The following RPS6KA2 variants were observed in gnomAD, a reference collection of about 807,000 sequenced individuals.
The protein encoded by RPS6KA2 is ribosomal protein S6 kinase A2.
In RPS6KA2, 42 loss-of-function variants were observed where a neutral mutation model predicts 91.8. The observed-to-expected ratio is 0.46, with a 90% CI of 0.36 to 0.59. RPS6KA2 has a LOEUF of 0.59. Among genes scored for constraint, RPS6KA2 ranks in the 20% least tolerant of loss-of-function variants. The pLI, the probability that RPS6KA2 is intolerant of heterozygous loss-of-function variation, is 0.00. For synonymous variants in RPS6KA2, 414 were observed against 393.6 expected (o/e 1.05, Z -0.61); for missense variants, 798 against 978.5 (o/e 0.82, Z 2.46).
chr6:166,755,250 A>G (rs754183416), intron 2 of RPS6KA2, among the ~76,000 whole-genome samples: 44 of 152,234 alleles, frequency 2.9e-4, no homozygotes, highest in Admixed American at 7.2e-4. Context: ...GTGGATTCCC[A>G]GTAGGAGTGC....
intron 3 of RPS6KA2, among the ~76,000 whole-genome samples, chr6:166,513,564 C>T (rs544750150): frequency 1.3e-5 from 2 of 152,178 alleles, no homozygotes; most frequent in Non-Finnish European, 2.9e-5. Context: ...AGGAAGGAGA[C>T]CCCTGCCTGC....
At chr6:166,426,830 G>A (rs1027686992) in intron 16 of RPS6KA2, among the ~76,000 whole-genome samples, 1 of 140,388 alleles carries the variant, frequency 7.1e-6, no homozygotes, top group Non-Finnish European at 1.5e-5. Flanking sequence ...AACCAAAAGA[G>A]TCCAGGACCA....
chr6:166,448,583 C>A lies in RPS6KA2; in HGVS notation c.1332+141G>T, dbSNP rs143368945. On this transcript the variant is annotated intron_variant, in intron 14 of 20. Transcript: ENST00000265678. The surrounding 1 kb of genome is among the most constrained non-coding windows in gnomAD (Gnocchi z 4.7). ...ATGCTGTGCTCCTATGCTCCGTGCT[C>A]CCATGTGCTGTACATGCTCCCACAC... The A allele has an allele frequency of 2.5e-4, 270 of 1,079,330 alleles. 1 individual carries two copies. The East Asian group carries it at 6.2e-3, about 25-fold the overall frequency. 66.9% of individuals were successfully genotyped at this position (1,079,330 alleles called of 1,614,324 possible).
chr6:166,789,166 T>C (rs956809584), intron 2 of RPS6KA2, among the ~76,000 whole-genome samples: 10 of 152,172 alleles, frequency 6.6e-5, no homozygotes, highest in Non-Finnish European at 1.3e-4. Flanking sequence ...ACCCTAATAC[T>C]GCACTTTTCC....
At chr6:166,728,923 C>T (rs988761497) in intron 2 of RPS6KA2, among the ~76,000 whole-genome samples, 2 of 152,292 alleles carry the variant, frequency 1.3e-5, no homozygotes, top group East Asian at 3.9e-4. Context: ...TGCATCCCTC[C>T]TTTGGTTTAC....
At chr6:166,575,058 G>C (rs950823774) in intron 1 of RPS6KA2, among the ~76,000 whole-genome samples, 2 of 152,158 alleles carry the variant, frequency 1.3e-5, no homozygotes, top group Non-Finnish European at 2.9e-5. Flanking sequence ...TCAGGTATCT[G>C]GCAGAAGAAA....
chr6:166,480,749 A>T (rs1781185522), intron 10 of RPS6KA2, among the ~76,000 whole-genome samples: 1 of 152,012 alleles, frequency 6.6e-6, no homozygotes, highest in South Asian at 2.1e-4. Flanking sequence ...TCCTGACCTC[A>T]GGTGATCCGC....
chr6:166,455,711 C>T (rs1258489784), intron 12 of RPS6KA2, among the ~76,000 whole-genome samples: 2 of 152,200 alleles, frequency 1.3e-5, no homozygotes, highest in East Asian at 1.9e-4. Context: ...CACACGGAGC[C>T]GCTCGAGGAG....
At chr6:166,841,115 T>A (rs1477109266) in intron 2 of RPS6KA2, among the ~76,000 whole-genome samples, 1 of 149,690 alleles carries the variant, frequency 6.7e-6, no homozygotes, top group African/African-American at 2.5e-5. Context: ...ACCCTGTCTC[T>A]ACAAAAAATA....
At position 166,852,881 on chromosome 6, in the gene RPS6KA2, G is replaced by A. The variant is rs952884198; in HGVS notation, c.123+5319C>T. Among the ~76,000 whole-genome samples, 10 of 152,110 alleles carry A rather than the reference G, an allele frequency of 6.6e-5. No individual in the cohort carries two copies. Among genetic ancestry groups the A allele is most frequent in the African/African-American group, 9.7e-5 (4 of 41,412 alleles). On this transcript the variant is annotated intron_variant, in intron 2 of 21. Transcript: ENST00000503859. This position sits in a 1 kb window ranked among gnomAD's most constrained non-coding sequence, Gnocchi z 4.1. ...TGGCAGCCGAAACCCTGTGATCCCC[G>A]TGTGGCTGTGTCCTGCCAACTGATG...
intron 2 of RPS6KA2, among the ~76,000 whole-genome samples, chr6:166,834,957 T>G (rs1044537127): frequency 1.6e-4 from 25 of 152,346 alleles, no homozygotes; most frequent in African/African-American, 4.3e-4. Flanking sequence ...GGTCTTAAAT[T>G]TAGGTCAATG....
intron 1 of RPS6KA2, among the ~76,000 whole-genome samples, chr6:166,859,005 TGC>T (rs1780980769): frequency 1.3e-5 from 1 of 79,018 alleles, no homozygotes; most frequent in Non-Finnish European, 3.9e-5. Flanking sequence ...CCGGCTGCCA[TGC>T]AGCAGACACG....
At chr6:166,841,196 G>A (rs1477418556) in intron 2 of RPS6KA2, among the ~76,000 whole-genome samples, 1 of 151,878 alleles carries the variant, frequency 6.6e-6, no homozygotes, top group African/African-American at 2.4e-5. Flanking sequence ...CCAGGAAGTT[G>A]AGGGTGAGAT....
intron 2 of RPS6KA2, among the ~76,000 whole-genome samples, chr6:166,673,965 C>T (rs1788550841): frequency 6.6e-6 from 1 of 152,224 alleles, no homozygotes; most frequent in East Asian, 1.9e-4. Context: ...AACATTTTCT[C>T]CTCAGTGAAA....
chr6:166,450,858 A>G (rs1321780515), intron 13 of RPS6KA2, among the ~76,000 whole-genome samples: 1 of 151,990 alleles, frequency 6.6e-6, no homozygotes, highest in East Asian at 1.9e-4. Flanking sequence ...ATGTGAGACC[A>G]TCACAGGAAC....
intron 1 of RPS6KA2, among the ~76,000 whole-genome samples, chr6:166,548,932 T>C (rs566850583): frequency 6.6e-6 from 1 of 152,198 alleles, no homozygotes; most frequent in Non-Finnish European, 1.5e-5. Context: ...AAACCACACA[T>C]CCAACAAAGG....
rs906445365 is a variant in RPS6KA2, at chr6:166,635,421, C to A, written c.124-96637G>T. On this transcript the variant is annotated intron_variant, in intron 2 of 21. Coordinates refer to the RPS6KA2 transcript ENST00000503859. The surrounding 1 kb of genome is among the most constrained non-coding windows in gnomAD (Gnocchi z 4.8). ...GAGGGGAGAGAAAGCCCTACGGGAGCCCCCAGAGGAGCCCTTAGTCTCGCA... is the reference window on the plus strand; with the variant it reads ...GAGGGGAGAGAAAGCCCTACGGGAGACCCCAGAGGAGCCCTTAGTCTCGCA... 1.3e-5 allele frequency among the ~76,000 whole-genome samples: 2 copies of A among 152,230 alleles called. No individual in the cohort carries two copies. Among genetic ancestry groups the A allele is most frequent in the African/African-American group, 4.8e-5 (2 of 41,462 alleles).
intron 2 of RPS6KA2, 120 bp downstream of exon 2, chr6:166,538,548 G>A (rs567999935): frequency 2.2e-5 from 14 of 641,344 alleles, no homozygotes; most frequent in African/African-American, 1.8e-4. Flanking sequence ...AACTGTCCAG[G>A]TTCCCGTGAT....
rs890556346 is a variant in RPS6KA2 at position 166,412,824 on chromosome 6, C to T, written c.2140G>A (p.Val714Met). ...CGCTGAGCCAGGTTGGATGACAGCA[C>T]GGGCTCCAGCCGCGGGGCCTGAGGT... The part of the protein sequence containing the change: ...RTPQAPRLEP[V>M]LSSNLAQRRG... Residue 714 changes from valine to methionine, a missense_variant, in exon 21 of 21, where the codon GTG becomes ATG. Transcript: ENST00000265678. The surrounding 1 kb of genome is among the most constrained non-coding windows in gnomAD (Gnocchi z 4.3). 1.3e-6 allele frequency: 2 copies of T among 1,583,194 alleles called. No homozygotes were observed. The highest frequency in any genetic ancestry group is 2.3e-5 in the East Asian group (1 of 43,712).
Sources: allele counts gnomAD v4.1 joint callset (sites outside exome capture counted in the v4.1 genomes callset), GRCh38; gene constraint gnomAD v4.1.1; non-coding constraint Gnocchi (gnomAD v3.1); transcripts MANE v1.5; gene names NCBI Gene and HGNC (gene_info 2026-07-23, HGNC 2026-07-21).